The following CACNA1C variants were observed in gnomAD, a reference collection of about 807,000 sequenced individuals.
The protein encoded by CACNA1C is calcium voltage-gated channel subunit alpha1 C, also known as voltage-dependent L-type calcium channel subunit alpha-1C.
In CACNA1C, 30 loss-of-function variants were observed where a neutral mutation model predicts 229.0. The observed-to-expected ratio is 0.13, with a 90% CI of 0.10 to 0.18. The LOEUF (loss-of-function observed/expected upper bound fraction) is 0.18, where lower values mean the gene tolerates loss of function less well. CACNA1C is among the 10% of genes least tolerant of loss of function. The pLI is 1.00. For missense variants in CACNA1C, 1,658 were observed against 2,845.0 expected (o/e 0.58, Z 9.49); for synonymous variants, 1,114 against 1,132.5 (o/e 0.98, Z 0.33).
intron 3 of CACNA1C, among the ~76,000 whole-genome samples, chr12:2,171,784 G>C (rs922666590): frequency 5.9e-5 from 9 of 152,200 alleles, no homozygotes; most frequent in African/African-American, 2.2e-4. Context: ...AGGATAACAG[G>C]TGGAGAGGGG....
At chr12:2,142,406 CACAG>C (rs1176983232) in intron 3 of CACNA1C, among the ~76,000 whole-genome samples, 1 of 151,194 alleles carries the variant, frequency 6.6e-6, no homozygotes, top group Admixed American at 6.7e-5. Flanking sequence ...CAAAGTCTAG[CACAG>C]ACAGTTCTGT....
intron 10 of CACNA1C, among the ~76,000 whole-genome samples, chr12:2,554,426 GAAC>G (rs1408170720): frequency 6.6e-6 from 1 of 152,164 alleles, no homozygotes; most frequent in East Asian, 1.9e-4. Flanking sequence ...TGCCTCATTG[GAAC>G]AACAACAGTG....
intron 3 of CACNA1C, among the ~76,000 whole-genome samples, chr12:2,372,596 A>T (rs2097900764): frequency 6.6e-6 from 1 of 152,124 alleles, no homozygotes; most frequent in Non-Finnish European, 1.5e-5. Context: ...ACATTACCAA[A>T]ATAATAATAA....
At chr12:2,591,503 G>C (rs1180865490) in intron 18 of CACNA1C, among the ~76,000 whole-genome samples, 1 of 152,184 alleles carries the variant, frequency 6.6e-6, no homozygotes, top group Non-Finnish European at 1.5e-5. Flanking sequence ...CAAGGTACTG[G>C]AGGCAGAGGT....
rs2099696200 is a variant in CACNA1C, at chr12:2,486,076, G to C, written c.758-28G>C. On this transcript the variant is annotated intron_variant, in intron 5 of 46. Transcript: ENST00000399655. This position sits in a 1 kb window ranked among gnomAD's most constrained non-coding sequence, Gnocchi z 4.9. ...TCAGCACGGTACCGCGGTGATGCTT[G>C]GTTCAGTGAGTGGCTCTGTCCCCGC... The C allele has an allele frequency of 6.4e-7, 1 of 1,569,398 alleles. No individual in the cohort carries two copies. Among genetic ancestry groups the C allele is most frequent in the East Asian group, 2.3e-5 (1 of 44,244 alleles).
chr12:2,244,618 G>A (rs963875481), intron 3 of CACNA1C, among the ~76,000 whole-genome samples: 2 of 152,112 alleles, frequency 1.3e-5, no homozygotes, highest in Non-Finnish European at 2.9e-5. Context: ...AGGGCATGAG[G>A]GGTGAAGCCA....
intron 7 of CACNA1C, among the ~76,000 whole-genome samples, chr12:2,503,986 C>T (rs187683790): frequency 3.5e-4 from 53 of 152,340 alleles, no homozygotes; most frequent in Admixed American, 7.8e-4. Context: ...CACACCTCCT[C>T]TGTGGTTTCA....
chr12:2,419,737 A>C (rs1006362231), intron 3 of CACNA1C, among the ~76,000 whole-genome samples: 1 of 152,124 alleles, frequency 6.6e-6, no homozygotes, highest in Non-Finnish European at 1.5e-5. Flanking sequence ...CCCTTGAGGA[A>C]TAGTGGTTGC....
intron 3 of CACNA1C, among the ~76,000 whole-genome samples, chr12:2,395,803 T>C (rs528339733): frequency 2.4e-3 from 367 of 152,336 alleles, no homozygotes; most frequent in African/African-American, 8.5e-3. Flanking sequence ...CTCTTTTGCA[T>C]TGACATTAGC....
chr12:2,297,865 A>G (rs1476975046), intron 3 of CACNA1C, among the ~76,000 whole-genome samples: 1 of 152,222 alleles, frequency 6.6e-6, no homozygotes, highest in Non-Finnish European at 1.5e-5. Context: ...GAAACAAAAA[A>G]AAACCTAAAA....
chr12:2,379,512 C>T (rs962928448), intron 3 of CACNA1C, among the ~76,000 whole-genome samples: 1 of 152,122 alleles, frequency 6.6e-6, no homozygotes, highest in South Asian at 2.1e-4. Context: ...AGGATCTTGA[C>T]GCTCCCGATA....
rs1261273469 is a variant in CACNA1C at position 2,275,819 on chromosome 12, G to C, written c.477+155389G>C. ...TCCACGGGTGGATGTTCAGCAGCAG[G>C]CCCCCTCTGTTCTTTGGTGAAGCTT... On this transcript the variant is annotated intron_variant, in intron 3 of 46. Coordinates refer to ENST00000399655, the MANE Select transcript of CACNA1C (RefSeq NM_000719.7). The surrounding 1 kb of genome is among the most constrained non-coding windows in gnomAD (Gnocchi z 4.1). Among the ~76,000 whole-genome samples, 1 of 150,672 alleles carries C rather than the reference G, an allele frequency of 6.6e-6. No individual in the cohort carries two copies. The highest frequency in any genetic ancestry group is 1.5e-5 in the Non-Finnish European group (1 of 68,014).
In CACNA1C at chr12:2,372,305, C is replaced by T. The variant is rs1427480586; in HGVS notation, c.478-76671C>T. On this transcript the variant is annotated intron_variant, in intron 3 of 46. Coordinates refer to ENST00000399655, the MANE Select transcript of CACNA1C (RefSeq NM_000719.7). Reference sequence around the variant, plus strand: ...GAAGAGAACTGTGTACAGCCTCCCCCACATCTCCCCACCCCTTGCTGCTCT... The same window carrying T: ...GAAGAGAACTGTGTACAGCCTCCCCTACATCTCCCCACCCCTTGCTGCTCT... 4.6e-5 allele frequency among the ~76,000 whole-genome samples: 7 copies of T among 152,330 alleles called. No homozygotes were observed. The South Asian group carries it at 6.2e-4, about 14-fold the overall frequency.
At chr12:2,459,559 T>C (rs1380526806) in intron 5 of CACNA1C, among the ~76,000 whole-genome samples, 1 of 152,188 alleles carries the variant, frequency 6.6e-6, no homozygotes. Flanking sequence ...AAGCAGACTT[T>C]CTCTACTCGG....
At chr12:2,490,278 C>G (rs150371723) in intron 6 of CACNA1C, among the ~76,000 whole-genome samples, 198 of 152,322 alleles carry the variant, frequency 1.3e-3, no homozygotes, top group African/African-American at 4.5e-3. Context: ...GTTTTCCTTT[C>G]TCGAGGACAC....
At chr12:2,683,471 C>A (rs966062908) in intron 43 of CACNA1C, among the ~76,000 whole-genome samples, 1 of 152,202 alleles carries the variant, frequency 6.6e-6, no homozygotes, top group Non-Finnish European at 1.5e-5. Context: ...CCCTCAAAGC[C>A]CTGTCTCATC....
At chr12:1,991,966 T>A (rs145221488) in intron 1 of CACNA1C, 381 of 198,244 alleles carry the variant, frequency 1.9e-3, no homozygotes, top group Non-Finnish European at 3.4e-3. Context: ...TAATTTGACA[T>A]AAAATCTAAT....
At chr12:2,668,839 C>T in intron 37 of CACNA1C, 94 bp from the exon 38 acceptor site, 1 of 807,920 alleles carries the variant, frequency 1.2e-6, no homozygotes, top group East Asian at 2.5e-5. Context: ...TGGGCGAGGA[C>T]ACAGAGCCAA....
At chr12:2,478,957 C>T (rs116513156) in intron 5 of CACNA1C, among the ~76,000 whole-genome samples, 3,760 of 152,288 alleles carry the variant, frequency 0.025, 156 homozygotes, top group African/African-American at 0.086. Flanking sequence ...CCTGGGTACG[C>T]CTGTCTCTCT....
Sources: allele counts gnomAD v4.1 joint callset (sites outside exome capture counted in the v4.1 genomes callset), GRCh38; gene constraint gnomAD v4.1.1; non-coding constraint Gnocchi (gnomAD v3.1); transcripts MANE v1.5; gene names NCBI Gene and HGNC (gene_info 2026-07-23, HGNC 2026-07-21).